Variants in PCDH15 observed in about 807,000 individuals in gnomAD.
PCDH15 encodes the protein protocadherin related 15.
Under a neutral mutation model 178.5 loss-of-function variants are expected in PCDH15, and 129 were observed. The ratio of observed to expected loss-of-function variants is 0.72; its 90% CI spans 0.63 to 0.84. PCDH15 has a LOEUF of 0.84. PCDH15 is among the 40% of genes least tolerant of loss of function. PCDH15 has a pLI of 0.00. For synonymous variants in PCDH15, 800 were observed against 732.0 expected (o/e 1.09, Z -1.50); for missense variants, 2,230 against 2,099.9 (o/e 1.06, Z -1.21).
At chr10:54,185,380 A>C (rs2048397080) in intron 11 of PCDH15, 112 bp from the exon 12 acceptor site, 1 of 1,187,712 alleles carries the variant, frequency 8.4e-7, no homozygotes, top group Admixed American at 1.9e-5. Context: ...TGAAAGTATT[A>C]AGAATTTCTA....
chr10:55,547,553 A>T (rs557795177), intron 2 of PCDH15, among the ~76,000 whole-genome samples: 4 of 152,076 alleles, frequency 2.6e-5, no homozygotes, highest in African/African-American at 9.6e-5. Flanking sequence ...ATTAATCACA[A>T]ATTGTTTTCA....
chr10:54,332,034 G>A (rs909093079), intron 6 of PCDH15, among the ~76,000 whole-genome samples: 1 of 150,936 alleles, frequency 6.6e-6, no homozygotes, highest in African/African-American at 2.4e-5. Flanking sequence ...GCAGCCATTT[G>A]GGGACTATTG....
intron 36 of PCDH15, 50 bp downstream of exon 36, chr10:53,811,499 T>C (rs574141456): frequency 1.8e-6 from 2 of 1,099,148 alleles, no homozygotes; most frequent in Non-Finnish European, 1.3e-6. Flanking sequence ...AATTTCCTAT[T>C]AATAAAATAT....
Position 54,643,538 on chromosome 10 carries a change from G to A in PCDH15, c.91+20634C>T, listed in dbSNP as rs73253033. 5.4e-3 allele frequency among the ~76,000 whole-genome samples: 821 copies of A among 152,012 alleles called. 15 individuals carry two copies. The highest frequency in any genetic ancestry group is 0.019 in the African/African-American group (798 of 41,464). ...AGAGTCTATTTTGATATTTTCCCAG[G>A]ATAGATTATCATTTTGCCTTTTGTA... On this transcript the variant is annotated intron_variant, in intron 2 of 37. Transcript: ENST00000644397.
At chr10:54,447,123 A>G (rs773584919) in intron 3 of PCDH15, among the ~76,000 whole-genome samples, 1 of 151,562 alleles carries the variant, frequency 6.6e-6, no homozygotes, top group Non-Finnish European at 1.5e-5. Context: ...ATAAACTTTT[A>G]TCTATCTCTA....
intron 3 of PCDH15, among the ~76,000 whole-genome samples, chr10:54,397,153 T>C (rs140331391): frequency 6.8e-4 from 104 of 152,172 alleles, no homozygotes; most frequent in African/African-American, 1.9e-3. Flanking sequence ...GAGTGTTTAC[T>C]TCAGAAAATT....
At chr10:54,864,311 G>GA (rs1365766902) in intron 3 of PCDH15, among the ~76,000 whole-genome samples, 1 of 152,006 alleles carries the variant, frequency 6.6e-6, no homozygotes, top group Non-Finnish European at 1.5e-5. Flanking sequence ...ACAATTAAGA[G>GA]AAAAAGTCTA....
intron 3 of PCDH15, among the ~76,000 whole-genome samples, chr10:54,490,441 C>G (rs1194467235): frequency 6.6e-6 from 1 of 151,548 alleles, no homozygotes; most frequent in Non-Finnish European, 1.5e-5. Flanking sequence ...CAGAGCAAGA[C>G]TATGTCTCAA....
intron 20 of PCDH15, among the ~76,000 whole-genome samples, chr10:54,018,072 T>A (rs2092799524): frequency 6.6e-6 from 1 of 152,144 alleles, no homozygotes; most frequent in Non-Finnish European, 1.5e-5. Flanking sequence ...AAGTGATGAT[T>A]TCTTCTTCCA....
chr10:55,224,274 C>T (rs1040428135), intron 1 of PCDH15, among the ~76,000 whole-genome samples: 2 of 152,054 alleles, frequency 1.3e-5, no homozygotes, highest in Non-Finnish European at 2.9e-5. Flanking sequence ...TTTTTTACTT[C>T]CTGTATCTAT....
chr10:55,442,314 T>A (rs1001700685), intron 2 of PCDH15, among the ~76,000 whole-genome samples: 4 of 150,638 alleles, frequency 2.7e-5, no homozygotes, highest in Non-Finnish European at 5.9e-5. Flanking sequence ...TATTAGTAAA[T>A]CCATTAATTC....
chr10:54,904,652 G>A (rs1954690423), intron 2 of PCDH15, among the ~76,000 whole-genome samples: 1 of 151,984 alleles, frequency 6.6e-6, no homozygotes, highest in Admixed American at 6.6e-5. Flanking sequence ...AATGAACCAT[G>A]ACATTTAGGT....
chr10:54,780,916 G>T (rs191147268), intron 1 of PCDH15, among the ~76,000 whole-genome samples: 268 of 152,060 alleles, frequency 1.8e-3, no homozygotes, highest in African/African-American at 5.9e-3. Flanking sequence ...AAAATGTAAA[G>T]CTCCTTAGAA....
At chr10:54,122,122 C>A (rs7100992) in intron 15 of PCDH15, among the ~76,000 whole-genome samples, 1 of 151,420 alleles carries the variant, frequency 6.6e-6, no homozygotes, top group African/African-American at 2.4e-5. Context: ...AATACTTACA[C>A]GTCAAATTCA....
chr10:54,338,450 G>T (rs186785796), intron 6 of PCDH15, among the ~76,000 whole-genome samples: 16 of 150,932 alleles, frequency 1.1e-4, no homozygotes, highest in African/African-American at 3.7e-4. Flanking sequence ...CTTCAGGATG[G>T]TGATTTTTTT....
chr10:53,948,723 T>G (rs2086774046), intron 23 of PCDH15, among the ~76,000 whole-genome samples: 1 of 152,182 alleles, frequency 6.6e-6, no homozygotes, highest in African/African-American at 2.4e-5. Flanking sequence ...GATATGCATA[T>G]GTCATTTGCC....
intron 2 of PCDH15, among the ~76,000 whole-genome samples, chr10:55,518,751 C>G (rs936374826): frequency 6.6e-6 from 1 of 152,002 alleles, no homozygotes; most frequent in South Asian, 2.1e-4. Flanking sequence ...CAAAGAGACA[C>G]AGAAGCAGTC....
intron 2 of PCDH15, among the ~76,000 whole-genome samples, chr10:55,569,736 G>A (rs1842370777): frequency 1.3e-5 from 2 of 152,032 alleles, no homozygotes; most frequent in East Asian, 1.9e-4. Context: ...ATAAGAAAAC[G>A]TAAAGCTCAG....
chr10:55,351,061 G>A (rs1234228863), intron 2 of PCDH15, among the ~76,000 whole-genome samples: 3 of 88,398 alleles, frequency 3.4e-5, no homozygotes, highest in African/African-American at 1.3e-4. Flanking sequence ...CCCTCCCCCC[G>A]CTGCTGCCTC....
Sources: gnomAD v4.1 joint callset for allele counts (sites outside exome capture counted in the v4.1 genomes callset) on GRCh38, gnomAD v4.1.1 for gene constraint, MANE v1.5 for transcripts, NCBI Gene and HGNC (gene_info 2026-07-23, HGNC 2026-07-21) for gene names.